The following IMPA2 variants were observed in gnomAD, a reference collection of about 807,000 sequenced individuals.
The protein encoded by IMPA2 is inositol monophosphatase 2.
Under a neutral mutation model 35.1 loss-of-function variants are expected in IMPA2, and 32 were observed. The observed-to-expected ratio is 0.91, with a 90% CI of 0.69 to 1.23. The LOEUF is 1.23. Among genes scored for constraint, IMPA2 ranks in the 50% most tolerant of loss-of-function variants. The pLI is 0.00. For synonymous variants in IMPA2, 135 were observed against 160.6 expected (o/e 0.84, Z 1.20); for missense variants, 334 against 387.6 (o/e 0.86, Z 1.16).
intron 1 of IMPA2, among the ~76,000 whole-genome samples, chr18:11,985,599 C>A (rs561777573): frequency 9.2e-5 from 14 of 152,280 alleles, no homozygotes; most frequent in African/African-American, 3.1e-4. Context: ...CACAGACTTG[C>A]TCCTGGCTCT....
At chr18:12,030,077 C>T (rs1908003712) in intron 7 of IMPA2, among the ~76,000 whole-genome samples, 1 of 152,238 alleles carries the variant, frequency 6.6e-6, no homozygotes, top group South Asian at 2.1e-4. Context: ...TGTTCTCCAT[C>T]TCTTAAGGCA....
Position 12,010,022 on chromosome 18 carries a change from T to C in IMPA2, c.335+35T>C, listed in dbSNP as rs202170928. ...GCAGGGATCGCCTCCATTGCAGGGC[T>C]TAACATGTCCTCTTCTGTGAGGTTT... On this transcript the variant is annotated intron_variant, in intron 3 of 7. Coordinates refer to ENST00000269159, the MANE Select transcript of IMPA2 (RefSeq NM_014214.3). The surrounding 1 kb of genome is among the most constrained non-coding windows in gnomAD (Gnocchi z 4.8). 1.3e-6 allele frequency: 2 copies of C among 1,482,852 alleles called. No homozygotes were observed. The highest frequency in any genetic ancestry group is 1.4e-5 in the African/African-American group (1 of 72,460). The allele number at this position is 1,482,852 out of a possible 1,614,324, so 91.9% of individuals were successfully genotyped here.
chr18:12,008,243 G>T, intron 2 of IMPA2: 1 of 473,098 alleles, frequency 2.1e-6, no homozygotes, highest in Admixed American at 2.3e-5. Context: ...TGATCTGCCC[G>T]CCTTGGCCTC....
intron 5 of IMPA2, among the ~76,000 whole-genome samples, chr18:12,017,309 TCCC>T (rs1907605420): frequency 6.6e-6 from 1 of 152,140 alleles, no homozygotes; most frequent in South Asian, 2.1e-4. Flanking sequence ...CTGGAGCCAA[TCCC>T]AGGCATCAGG....
At chr18:12,008,064 C>T (rs780331036) in intron 2 of IMPA2, among the ~76,000 whole-genome samples, 16 of 152,174 alleles carry the variant, frequency 1.1e-4, no homozygotes, top group Middle Eastern at 3.2e-3. Flanking sequence ...CTGCAACCTC[C>T]GGCTCACTGC....
Position 11,991,184 on chromosome 18 carries a change from G to C in IMPA2, c.97-7870G>C, listed in dbSNP as rs566798062. On this transcript the variant is annotated intron_variant, in intron 1 of 7. Coordinates refer to ENST00000269159, the MANE Select transcript of IMPA2 (RefSeq NM_014214.3). This position sits in a 1 kb window ranked among gnomAD's most constrained non-coding sequence, Gnocchi z 4.1. ...AGGGGAGGCAGGGGCCACAGGCCACGGGCCCTGGAACACAGGGAATGCAGC... is the reference window on the plus strand; with the variant it reads ...AGGGGAGGCAGGGGCCACAGGCCACCGGCCCTGGAACACAGGGAATGCAGC... 6.6e-6 allele frequency among the ~76,000 whole-genome samples: 1 copy of C among 152,324 alleles called. No individual in the cohort carries two copies. Among genetic ancestry groups the C allele is most frequent in the Non-Finnish European group, 1.5e-5 (1 of 68,020 alleles).
At chr18:11,990,635 G>T (rs910459907) in intron 1 of IMPA2, among the ~76,000 whole-genome samples, 1 of 152,156 alleles carries the variant, frequency 6.6e-6, no homozygotes, top group East Asian at 1.9e-4. Context: ...TTGATGAGTC[G>T]TACATTGAAG....
In IMPA2 at chr18:12,009,902, G is replaced by T. The variant is rs140100753; in HGVS notation, c.250G>T (p.Ala84Ser). The part of the protein sequence containing the change: ...PSHRFIAEEA[A>S]ASGAKCVLTH... ...CTGCAGGTTCATTGCAGAAGAGGCCGCGGCTTCTGGGGCCAAGTGTGTGCT... is the reference window on the plus strand; with the variant it reads ...CTGCAGGTTCATTGCAGAAGAGGCCTCGGCTTCTGGGGCCAAGTGTGTGCT... The change falls in exon 3 of 8, where the codon GCG (alanine) becomes TCG (serine). Residue 84 changes from alanine (A) to serine (S), a missense_variant. Ala to Ser is a moderately conservative substitution (Grantham distance 99, BLOSUM62 1). Transcript: ENST00000269159. 2.5e-5 allele frequency: 40 copies of T among 1,613,982 alleles called. No homozygotes were observed. Among genetic ancestry groups the T allele is most frequent in the Non-Finnish European group, 3.2e-5 (38 of 1,179,996 alleles).
chr18:11,981,830 CTGG>C, intron 1 of IMPA2, 65 bp downstream of exon 1: 18 of 1,086,284 alleles, frequency 1.7e-5, no homozygotes, highest in Non-Finnish European at 2.0e-5. Context: ...TGGGAGCCGC[CTGG>C]AGTGGCGGGG....
intron 1 of IMPA2, among the ~76,000 whole-genome samples, chr18:11,984,740 G>A (rs1906607627): frequency 6.6e-6 from 1 of 152,062 alleles, no homozygotes. Flanking sequence ...GGCCGAGGTG[G>A]GCAGATCACA....
chr18:12,022,222 A>G (rs1405612420), intron 5 of IMPA2, among the ~76,000 whole-genome samples: 1 of 152,036 alleles, frequency 6.6e-6, no homozygotes, highest in Admixed American at 6.6e-5. Flanking sequence ...AAATCACAGA[A>G]TATTTGAAAT....
chr18:11,996,453 A>G lies in IMPA2; in HGVS notation c.97-2601A>G, dbSNP rs1483178066. ...CGAGTGGAATACCAGCCACCCTTGC[A>G]GGTAGCTTTATGGCTGCTCCCCATG... On this transcript the variant is annotated intron_variant, in intron 1 of 7. Coordinates refer to ENST00000269159, the MANE Select transcript of IMPA2 (RefSeq NM_014214.3). Among the ~76,000 whole-genome samples, 24 of 152,182 alleles carry G rather than the reference A, an allele frequency of 1.6e-4. 1 individual carries two copies. Among genetic ancestry groups the G allele is most frequent in the Admixed American group, 1.6e-3 (24 of 15,280 alleles).
intron 1 of IMPA2, chr18:11,994,517 C>T (rs2143784589): frequency 1.3e-5 from 2 of 152,446 alleles, no homozygotes; most frequent in Admixed American, 1.3e-4. Context: ...GCCCCAAGGG[C>T]CCCCAGCACC....
chr18:11,984,597 T>C (rs1413887978), intron 1 of IMPA2, among the ~76,000 whole-genome samples: 1 of 152,074 alleles, frequency 6.6e-6, no homozygotes, highest in Non-Finnish European at 1.5e-5. Context: ...CCCAGCACTT[T>C]GGGAGGCTGA....
At chr18:12,000,905 A>G (rs1907098961) in intron 2 of IMPA2, among the ~76,000 whole-genome samples, 1 of 146,056 alleles carries the variant, frequency 6.8e-6, no homozygotes, top group Non-Finnish European at 1.5e-5. Context: ...GTGATCCACT[A>G]CGCCCGGCCC....
intron 6 of IMPA2, 63 bp from the exon 7 acceptor site, chr18:12,028,779 G>C: frequency 5.8e-6 from 9 of 1,555,750 alleles, no homozygotes; most frequent in Non-Finnish European, 6.1e-6. Flanking sequence ...GCTGAAGTCG[G>C]CTTGCACACC....
intron 5 of IMPA2, chr18:12,017,600 G>GT (rs1374035608): frequency 7.0e-6 from 3 of 431,202 alleles, no homozygotes; most frequent in Admixed American, 2.5e-5. Flanking sequence ...GTTTTGTTTT[G>GT]TTTTTTGAAA....
intron 5 of IMPA2, among the ~76,000 whole-genome samples, chr18:12,020,267 C>G (rs755647595): frequency 1.3e-5 from 2 of 151,646 alleles, no homozygotes; most frequent in Non-Finnish European, 2.9e-5. Context: ...GATTTCAGCT[C>G]ACTGCAACCT....
At chr18:12,014,455 C>T (rs912303941) in intron 5 of IMPA2, 82 bp downstream of exon 5, 20 of 822,442 alleles carry the variant, frequency 2.4e-5, no homozygotes, top group African/African-American at 1.6e-4. Flanking sequence ...TGATGTGGGA[C>T]GGTGGTGGAG....
Sources: allele counts gnomAD v4.1 joint callset (sites outside exome capture counted in the v4.1 genomes callset), GRCh38; gene constraint gnomAD v4.1.1; non-coding constraint Gnocchi (gnomAD v3.1); transcripts MANE v1.5; gene names NCBI Gene and HGNC (gene_info 2026-07-23, HGNC 2026-07-21).